Variants in RPS6KB1 observed in about 807,000 individuals in gnomAD.
The protein encoded by RPS6KB1 is ribosomal protein S6 kinase B1, also known as ribosomal protein S6 kinase beta-1.
A neutral mutation model predicts 70.2 loss-of-function variants in RPS6KB1; 12 were observed. The ratio of observed to expected loss-of-function variants is 0.17; its 90% CI spans 0.11 to 0.28. The LOEUF (loss-of-function observed/expected upper bound fraction) is 0.28, where lower values mean the gene tolerates loss of function less well. Among genes scored for constraint, RPS6KB1 ranks in the 10% least tolerant of loss-of-function variants. RPS6KB1 has a pLI of 1.00. For synonymous variants in RPS6KB1, 175 were observed against 211.2 expected (o/e 0.83, Z 1.49); for missense variants, 270 against 646.6 (o/e 0.42, Z 6.32).
rs2045094848 is a variant in RPS6KB1 at position 59,949,384 on chromosome 17, G to A, written c.*2596G>A. The A allele has an allele frequency of 3.9e-5, 6 of 152,426 alleles. No homozygotes were observed. In the South Asian group the frequency reaches 1.2e-3, roughly 32 times the overall value. 9.4% of individuals were successfully genotyped at this position (152,426 alleles called of 1,614,324 possible). On this transcript the variant is annotated 3_prime_UTR_variant, in exon 15 of 15. Transcript: ENST00000225577. ...TTACTAGTCTTGAGTTTCTAAGAGG[G>A]TTCTTTATGTTATACCAGGTAAGTG... is the stretch of plus-strand genomic sequence containing the variant.
At chr17:59,930,237 A>G in intron 6 of RPS6KB1, 63 bp downstream of exon 6, 4 of 893,146 alleles carry the variant, frequency 4.5e-6, no homozygotes, top group East Asian at 4.8e-5. Flanking sequence ...CATTCCCACT[A>G]TGGGCAGCCA....
chr17:59,893,136 A>C lies in RPS6KB1; in HGVS notation c.-49A>C. ...AGGCGCAGACGCACTGAGCCTAAGCAGCCGGTGATGGCGGCAGCGGCTGTG... is the reference window on the plus strand; with the variant it reads ...AGGCGCAGACGCACTGAGCCTAAGCCGCCGGTGATGGCGGCAGCGGCTGTG... On this transcript the variant is annotated 5_prime_UTR_variant, in exon 1 of 15. Transcript: ENST00000225577. The surrounding 1 kb of genome is among the most constrained non-coding windows in gnomAD (Gnocchi z 4.1). 6.3e-7 allele frequency: 1 copy of C among 1,593,048 alleles called. No homozygotes were observed. The highest frequency in any genetic ancestry group is 8.5e-7 in the Non-Finnish European group (1 of 1,170,526).
chr17:59,932,007 A>G (rs544925833), intron 7 of RPS6KB1, among the ~76,000 whole-genome samples: 5 of 152,266 alleles, frequency 3.3e-5, no homozygotes, highest in Admixed American at 6.5e-5. Context: ...CAAATGTTGT[A>G]TAATGTTTTA....
At chr17:59,895,031 T>C (rs1392852115) in intron 1 of RPS6KB1, among the ~76,000 whole-genome samples, 1 of 152,038 alleles carries the variant, frequency 6.6e-6, no homozygotes, top group Non-Finnish European at 1.5e-5. Context: ...TTTTGTTTTG[T>C]TTTGTTTTTG....
intron 2 of RPS6KB1, 44 bp from the exon 3 acceptor site, chr17:59,912,640 T>A (rs758808068): frequency 6.3e-7 from 1 of 1,598,690 alleles, no homozygotes; most frequent in Admixed American, 1.7e-5. Context: ...TGAAAGTAAT[T>A]TAACTTTTTG....
chr17:59,899,050 A>G (rs2041743276), intron 1 of RPS6KB1, among the ~76,000 whole-genome samples: 1 of 151,868 alleles, frequency 6.6e-6, no homozygotes, highest in South Asian at 2.1e-4. Flanking sequence ...TTAAAAATAC[A>G]AAAATTAGCC....
intron 13 of RPS6KB1, among the ~76,000 whole-genome samples, chr17:59,941,452 G>A (rs940492004): frequency 6.6e-6 from 1 of 151,616 alleles, no homozygotes; most frequent in Admixed American, 6.6e-5. Context: ...AGCCTTGTGA[G>A]TACCTGTACC....
At chr17:59,920,956 C>T (rs1598744619) in intron 4 of RPS6KB1, among the ~76,000 whole-genome samples, 1 of 152,222 alleles carries the variant, frequency 6.6e-6, no homozygotes, top group Non-Finnish European at 1.5e-5. Flanking sequence ...CCTCAGCCCC[C>T]TAAAGTGCTG....
intron 13 of RPS6KB1, 95 bp downstream of exon 13, chr17:59,941,038 A>G: frequency 2.9e-6 from 2 of 686,222 alleles, no homozygotes; most frequent in Non-Finnish European, 2.5e-6. Flanking sequence ...CAGTTCATGT[A>G]GGTAACCTGG....
chr17:59,934,267 T>C lies in RPS6KB1; in HGVS notation c.779+7T>C. ...GTGGAACAATAGAATACATGTGAGC[T>C]ACATGTTAAACATAATTGGTTTGGG... On this transcript the variant is annotated splice_region_variant and intron_variant, in intron 8 of 14. Coordinates refer to ENST00000225577, the MANE Select transcript of RPS6KB1 (RefSeq NM_003161.4). The surrounding 1 kb of genome is among the most constrained non-coding windows in gnomAD (Gnocchi z 4.8). 1 of 1,580,488 alleles carries C rather than the reference T, an allele frequency of 6.3e-7. No homozygotes were observed. Among genetic ancestry groups the C allele is most frequent in the Non-Finnish European group, 8.7e-7 (1 of 1,149,354 alleles).
chr17:59,902,997 G>T (rs117546585), intron 1 of RPS6KB1, among the ~76,000 whole-genome samples: 1 of 151,722 alleles, frequency 6.6e-6, no homozygotes, highest in Non-Finnish European at 1.5e-5. Context: ...CCTGGGCAAC[G>T]TGATGAAACC....
chr17:59,895,166 G>A (rs1440909525), intron 1 of RPS6KB1, among the ~76,000 whole-genome samples: 13 of 151,030 alleles, frequency 8.6e-5, no homozygotes, highest in African/African-American at 3.2e-4. Flanking sequence ...GACTACAGGC[G>A]CGTGCCACCA....
At chr17:59,932,466 T>C (rs1482080370) in intron 7 of RPS6KB1, among the ~76,000 whole-genome samples, 4 of 152,010 alleles carry the variant, frequency 2.6e-5, no homozygotes, top group Non-Finnish European at 5.9e-5. Context: ...CAGTAGGTTT[T>C]ATTAATGCTG....
At position 59,893,419 on chromosome 17, in the gene RPS6KB1, A is replaced by G. The variant is rs531598904; in HGVS notation, c.141+94A>G. 7.7e-7 allele frequency: 1 copy of G among 1,300,422 alleles called. No individual in the cohort carries two copies. Among genetic ancestry groups the G allele is most frequent in the Non-Finnish European group, 1.1e-6 (1 of 938,546 alleles). The allele number at this position is 1,300,422 out of a possible 1,614,324, so 80.6% of individuals were successfully genotyped here. ...GGTGTGTCCTAGAGCGTGGAGACCC[A>G]GGGGGGCTCCTGAGGAGCTGAGGGT... On this transcript the variant is annotated intron_variant, in intron 1 of 14. Transcript: ENST00000225577. The surrounding 1 kb of genome is among the most constrained non-coding windows in gnomAD (Gnocchi z 4.1).
intron 12 of RPS6KB1, among the ~76,000 whole-genome samples, chr17:59,938,909 C>T (rs558283013): frequency 1.3e-5 from 2 of 152,096 alleles, no homozygotes; most frequent in African/African-American, 4.8e-5. Flanking sequence ...TACAGCTAAG[C>T]GTTAATAGGC....
intron 13 of RPS6KB1, among the ~76,000 whole-genome samples, chr17:59,943,149 ATGAG>A (rs1302099455): frequency 2.6e-5 from 4 of 152,322 alleles, no homozygotes; most frequent in South Asian, 4.1e-4. Flanking sequence ...GAGATAAAAG[ATGAG>A]TGAGTGCATG....
chr17:59,930,127 A>G lies in RPS6KB1; in HGVS notation c.540A>G (p.Leu180=), dbSNP rs765895449. Residue 180 remains leucine (L), a synonymous_variant, in exon 6 of 15, where the codon CTA becomes CTG. Transcript: ENST00000225577. ...LILEYLSGGE[L]FMQLEREGIF... is the part of the protein sequence containing the mutation. Reference sequence around the variant, plus strand: ...TCTTTTTCTTTACAGGAGGAGAACTATTTATGCAGTTAGAAAGAGAGGGAA... The same window carrying G: ...TCTTTTTCTTTACAGGAGGAGAACTGTTTATGCAGTTAGAAAGAGAGGGAA... 1 of 1,466,634 alleles carries G rather than the reference A, an allele frequency of 6.8e-7. No homozygotes were observed. 90.9% of individuals were successfully genotyped at this position (1,466,634 alleles called of 1,614,324 possible). A position where few individuals can be genotyped will look rare whatever the true frequency, so the allele number is the denominator to read the frequency against.
intron 4 of RPS6KB1, among the ~76,000 whole-genome samples, chr17:59,922,746 A>G (rs536714513): frequency 1.3e-3 from 202 of 151,646 alleles, no homozygotes; most frequent in African/African-American, 4.6e-3. Flanking sequence ...GGGTTTCACC[A>G]TGTTGGCCAG....
In RPS6KB1 at chr17:59,893,996, A is replaced by G; in HGVS notation, c.141+671A>G. The G allele has an allele frequency of 6.6e-6, 6 of 915,512 alleles. No individual in the cohort carries two copies. The highest frequency in any genetic ancestry group is 7.8e-6 in the Non-Finnish European group (6 of 766,784). The allele number at this position is 915,512 out of a possible 1,614,324, so 56.7% of individuals were successfully genotyped here. A position where few individuals can be genotyped will look rare whatever the true frequency, so the allele number is the denominator to read the frequency against. On this transcript the variant is annotated intron_variant, in intron 1 of 14. Coordinates refer to ENST00000225577, the MANE Select transcript of RPS6KB1 (RefSeq NM_003161.4). This position sits in a 1 kb window ranked among gnomAD's most constrained non-coding sequence, Gnocchi z 4.1. ...TTAAAATAAGCATTTATAAGGACAC[A>G]CGGCACTTGTAACCTTTCCCCAAGT... is the stretch of plus-strand genomic sequence containing the variant.
Sources: gnomAD v4.1 joint callset for allele counts (sites outside exome capture counted in the v4.1 genomes callset) on GRCh38, gnomAD v4.1.1 for gene constraint, Gnocchi (gnomAD v3.1) non-coding constraint, MANE v1.5 for transcripts, NCBI Gene and HGNC (gene_info 2026-07-23, HGNC 2026-07-21) for gene names.